Variants in PSEN1 observed in about 807,000 individuals in gnomAD.
PSEN1 encodes presenilin 1.
A neutral mutation model predicts 53.5 loss-of-function variants in PSEN1; 15 were observed. That is an observed-to-expected ratio of 0.28 (90% confidence interval 0.19 to 0.43). The LOEUF is 0.43. Among genes scored for constraint, PSEN1 ranks in the 20% least tolerant of loss-of-function variants. The pLI is 1.00. For missense variants in PSEN1, 387 were observed against 571.2 expected, an observed-to-expected ratio of 0.68 and a Z score of 3.29; for synonymous variants, 208 against 209.8, an observed-to-expected ratio of 0.99 and a Z score of 0.08.
At chr14:73,162,301 T>TA (rs1424803288) in intron 3 of PSEN1, among the ~76,000 whole-genome samples, 2 of 151,826 alleles carry the variant, frequency 1.3e-5, no homozygotes, top group East Asian at 3.9e-4. Flanking sequence ...ATCAGATTGG[T>TA]AAAAATCTAA....
chr14:73,206,307 T>G, intron 8 of PSEN1, 79 bp from the exon 9 acceptor site: 1 of 971,394 alleles, frequency 1.0e-6, no homozygotes, highest in Non-Finnish European at 1.7e-6. Context: ...GCGATTTGTG[T>G]GGAGAAATGA....
At position 73,170,834 on chromosome 14, in the gene PSEN1, G is replaced by T. The variant is rs367775281; in HGVS notation, c.125G>T (p.Arg42Leu). Residue 42 changes from arginine to leucine, a missense_variant, in exon 4 of 12, where the codon CGG becomes CTG. By Grantham distance (102) the Arg-to-Leu change is moderately radical. This residue lies in a region of PSEN1 where 99 missense variants were observed against 101.5 expected (regional missense o/e 0.98). Transcript: ENST00000324501. ...GAACGGCAGGAGCACAACGACAGAC[G>T]GAGCCTTGGCCACCCTGAGCCATTA... The part of the protein sequence containing the change: ...NRERQEHNDR[R>L]SLGHPEPLSN... The T allele has an allele frequency of 4.3e-5, 70 of 1,614,136 alleles. No homozygotes were observed. Among genetic ancestry groups the T allele is most frequent in the Non-Finnish European group, 5.3e-5 (63 of 1,179,996 alleles).
rs567855571 is a variant in PSEN1 at position 73,174,085 on chromosome 14, T to C, written c.480+378T>C. 3.5e-5 allele frequency: 10 copies of C among 289,794 alleles called. No homozygotes were observed. In the East Asian group the frequency reaches 6.3e-4, roughly 18 times the overall value. The allele number at this position is 289,794 out of a possible 1,614,324, so 18.0% of individuals were successfully genotyped here. A position where few individuals can be genotyped will look rare whatever the true frequency, so the allele number is the denominator to read the frequency against. ...AAAATATATATATTATGATTAGTTA[T>C]CAAGATTTAGTGATAATTTATGTTA... On this transcript the variant is annotated intron_variant, in intron 5 of 11. Transcript: ENST00000324501.
chr14:73,183,853 C>T (rs2140067761), intron 5 of PSEN1, among the ~76,000 whole-genome samples: 1 of 151,498 alleles, frequency 6.6e-6, no homozygotes, highest in Non-Finnish European at 1.5e-5. Flanking sequence ...AGAGGGGCTC[C>T]TCACTTCCCA....
At chr14:73,140,475 C>G (rs1400767727) in intron 1 of PSEN1, among the ~76,000 whole-genome samples, 2 of 152,022 alleles carry the variant, frequency 1.3e-5, no homozygotes, top group African/African-American at 4.8e-5. Flanking sequence ...TCCCAAAGTG[C>G]TGGGATTACA....
chr14:73,184,221 T>C (rs1595018788), intron 5 of PSEN1, among the ~76,000 whole-genome samples: 1 of 108,564 alleles, frequency 9.2e-6, no homozygotes, highest in Non-Finnish European at 1.9e-5. Flanking sequence ...CCCACCTCCC[T>C]CCCGGACGGG....
chr14:73,212,679 C>T (rs895363851), intron 10 of PSEN1, among the ~76,000 whole-genome samples: 1 of 152,078 alleles, frequency 6.6e-6, no homozygotes, highest in African/African-American at 2.4e-5. Context: ...GGCAGAAATG[C>T]AAGTATTTCT....
intron 3 of PSEN1, among the ~76,000 whole-genome samples, chr14:73,152,402 C>A (rs1897255331): frequency 6.8e-6 from 1 of 146,920 alleles, no homozygotes; most frequent in East Asian, 2.1e-4. Flanking sequence ...GAGTTTGAGA[C>A]CAGCCTGGCC....
At chr14:73,196,442 T>C (rs1048788538) in intron 7 of PSEN1, among the ~76,000 whole-genome samples, 11 of 149,186 alleles carry the variant, frequency 7.4e-5, no homozygotes, top group African/African-American at 2.7e-4. Context: ...TATATTATTA[T>C]ATGAAGAGAC....
At chr14:73,157,724 G>A (rs1042027527) in intron 3 of PSEN1, among the ~76,000 whole-genome samples, 2 of 151,954 alleles carry the variant, frequency 1.3e-5, no homozygotes, top group African/African-American at 4.8e-5. Context: ...TATCATACAG[G>A]CCGGGCACGG....
rs111240255 is a variant in PSEN1 at position 73,199,228 on chromosome 14, T to C, written c.868+1099T>C. Among the ~76,000 whole-genome samples, 1,006 of 152,234 alleles carry C rather than the reference T, an allele frequency of 6.6e-3. 11 individuals are homozygous for C. Among genetic ancestry groups the C allele is most frequent in the African/African-American group, 0.024 (982 of 41,524 alleles). On this transcript the variant is annotated intron_variant, in intron 8 of 11. Coordinates refer to ENST00000324501, the MANE Select transcript of PSEN1 (RefSeq NM_000021.4). The stretch of plus-strand genomic sequence containing the variant: ...CTTGGGAAAAAGTTGATATTTGAGA[T>C]AGAGACTTGAAGAACATTAGCAGAG...
rs557458255 is a variant in PSEN1 at position 73,171,197 on chromosome 14, G to A, written c.338+150G>A. 5.1e-5 allele frequency: 46 copies of A among 905,968 alleles called. 1 individual carries two copies. In the Middle Eastern group the frequency reaches 1.9e-3, roughly 38 times the overall value. 56.1% of individuals were successfully genotyped at this position (905,968 alleles called of 1,614,324 possible). On this transcript the variant is annotated intron_variant, in intron 4 of 11. Coordinates refer to ENST00000324501, the MANE Select transcript of PSEN1 (RefSeq NM_000021.4). ...GATGGTCAGGAGCAGTTGAGAGAGC[G>A]AGGGGTTATTACTTCATGTTTTAAG...
intron 6 of PSEN1, among the ~76,000 whole-genome samples, chr14:73,191,101 T>C (rs554265638): frequency 2.1e-4 from 32 of 152,302 alleles, no homozygotes; most frequent in African/African-American, 7.0e-4. Context: ...CTCCCCAGAA[T>C]TAAAATAGCA....
chr14:73,214,493 G>A (rs1057116995), intron 10 of PSEN1, among the ~76,000 whole-genome samples: 3 of 146,006 alleles, frequency 2.1e-5, no homozygotes, highest in African/African-American at 5.1e-5. Context: ...TCATACCATT[G>A]CACTCCAGCC....
chr14:73,194,654 C>T (rs926136887), intron 7 of PSEN1, among the ~76,000 whole-genome samples: 5 of 149,646 alleles, frequency 3.3e-5, no homozygotes, highest in African/African-American at 1.2e-4. Context: ...CTGCAAGCTT[C>T]GCCTCCCAGG....
Position 73,190,540 on chromosome 14 carries a change from G to GTA in PSEN1, c.549-2096_549-2095dup, listed in dbSNP as rs565976568. On this transcript the variant is annotated intron_variant, in intron 6 of 11. Transcript: ENST00000324501. ...GCTATCATTTGTGTCAAGTAGAAAA[G>GTA]TATATATATGACATGTATAGACTTT... Among the ~76,000 whole-genome samples, 28 of 150,990 alleles carry GTA rather than the reference G, an allele frequency of 1.9e-4. No individual in the cohort carries two copies. The South Asian group carries it at 5.7e-3, about 31-fold the overall frequency.
intron 5 of PSEN1, among the ~76,000 whole-genome samples, chr14:73,180,307 T>G (rs913238408): frequency 6.6e-6 from 1 of 152,080 alleles, no homozygotes; most frequent in Admixed American, 6.5e-5. Context: ...TTAGACAGTT[T>G]AAGAGGTTTG....
rs374086244 is a variant in PSEN1, at chr14:73,164,325, C to T, written c.88-6472C>T. ...GAATTTTCTAATTCCATAGTGCCGA[C>T]GATTTTCTATTGATAGACTAAAAAT... On this transcript the variant is annotated intron_variant, in intron 3 of 11. Coordinates refer to ENST00000324501, the MANE Select transcript of PSEN1 (RefSeq NM_000021.4). Among the ~76,000 whole-genome samples the T allele has an allele frequency of 1.8e-3, 273 of 152,200 alleles. 1 individual carries two copies. Among genetic ancestry groups the T allele is most frequent in the South Asian group, 4.6e-3 (22 of 4,816 alleles).
At chr14:73,217,291 C>G (rs780429161) in intron 11 of PSEN1, 47 bp downstream of exon 11, 1 of 1,607,048 alleles carries the variant, frequency 6.2e-7, no homozygotes, top group African/African-American at 1.3e-5. Flanking sequence ...AATGTCAAAA[C>G]TTTGATTACA....
Sources: allele counts gnomAD v4.1 joint callset (sites outside exome capture counted in the v4.1 genomes callset), GRCh38; gene constraint gnomAD v4.1.1; regional missense constraint gnomAD v4.1.1; transcripts MANE v1.5; gene names NCBI Gene and HGNC (gene_info 2026-07-23, HGNC 2026-07-21).